The following ALOX5AP variants were observed in gnomAD, a reference collection of about 807,000 sequenced individuals.
ALOX5AP encodes arachidonate 5-lipoxygenase-activating protein.
Under a neutral mutation model 18.5 loss-of-function variants are expected in ALOX5AP, and 9 were observed. That is an observed-to-expected ratio of 0.49 (90% CI 0.29 to 0.85). ALOX5AP has a LOEUF of 0.85. ALOX5AP is among the 40% of genes least tolerant of loss of function. The pLI is 0.08. For synonymous variants in ALOX5AP, 81 were observed against 78.6 expected (o/e 1.03, Z -0.16); for missense variants, 172 against 202.5 (o/e 0.85, Z 0.91).
chr13:30,723,214 C>T (rs1951607729), intron 1 of ALOX5AP, among the ~76,000 whole-genome samples: 1 of 152,182 alleles, frequency 6.6e-6, no homozygotes, highest in Non-Finnish European at 1.5e-5. Context: ...AATCCAACAA[C>T]TCATTGCTAA....
chr13:30,721,381 G>T (rs1186261950), intron 1 of ALOX5AP, among the ~76,000 whole-genome samples: 1 of 152,188 alleles, frequency 6.6e-6, no homozygotes, highest in East Asian at 1.9e-4. Context: ...ATAGCTAAAG[G>T]GTCTTGAGAG....
At chr13:30,724,229 T>C (rs67681037) in intron 1 of ALOX5AP, among the ~76,000 whole-genome samples, 23,193 of 152,234 alleles carry the variant, frequency 0.15, 1,823 homozygotes, top group South Asian at 0.21. Context: ...TTCTGCTCAG[T>C]GTAATGTTTT....
upstream of ALOX5AP, among the ~76,000 whole-genome samples, chr13:30,732,364 C>A (rs1951688384): frequency 6.6e-6 from 1 of 152,140 alleles, no homozygotes; most frequent in African/African-American, 2.4e-5. Context: ...TTTTCATGTG[C>A]CGGCAGATTG....
In ALOX5AP at chr13:30,764,196, T is replaced by C. The variant is rs904235809; in HGVS notation, c.*90T>C. 1.4e-5 allele frequency: 20 copies of C among 1,383,480 alleles called. No individual in the cohort carries two copies. In the Admixed American group the frequency reaches 2.6e-4, roughly 18 times the overall value. 85.7% of individuals were successfully genotyped at this position (1,383,480 alleles called of 1,614,324 possible). A position where few individuals can be genotyped will look rare whatever the true frequency, so the allele number is the denominator to read the frequency against. ...CTCTTGAGAGCATTCTGCTCTTCTT[T>C]AGATGGCTGTAAATCTATTGGCCAT... On this transcript the variant is annotated 3_prime_UTR_variant, in exon 5 of 5. Coordinates refer to ENST00000380490, the MANE Select transcript of ALOX5AP (RefSeq NM_001629.4).
chr13:30,727,323 T>A (rs1213809987), intron 1 of ALOX5AP, among the ~76,000 whole-genome samples: 1 of 151,762 alleles, frequency 6.6e-6, no homozygotes, highest in African/African-American at 2.4e-5. Flanking sequence ...GGATTACAGG[T>A]GTGAGCCACT....
At chr13:30,735,438 A>T, upstream of ALOX5AP, 1 of 277,720 alleles carries the variant, frequency 3.6e-6, no homozygotes, top group Non-Finnish European at 4.5e-6. Context: ...GTTAGTTAAA[A>T]AAAAAAAAAA....
chr13:30,724,874 C>T (rs1197263474), intron 1 of ALOX5AP, among the ~76,000 whole-genome samples: 4 of 152,230 alleles, frequency 2.6e-5, no homozygotes, highest in African/African-American at 9.6e-5. Context: ...AGTACAGGCG[C>T]TTGGCCTGGC....
At chr13:30,723,625 A>G (rs1951611796) in intron 1 of ALOX5AP, among the ~76,000 whole-genome samples, 1 of 152,244 alleles carries the variant, frequency 6.6e-6, no homozygotes, top group African/African-American at 2.4e-5. Context: ...GACATCCTCT[A>G]ATCCATACAT....
chr13:30,720,196 G>A (rs1951582996), intron 1 of ALOX5AP, among the ~76,000 whole-genome samples: 1 of 152,202 alleles, frequency 6.6e-6, no homozygotes, highest in South Asian at 2.1e-4. Flanking sequence ...TTTGCATTTG[G>A]AAAATGTGAT....
In ALOX5AP at chr13:30,764,380, G is replaced by T. The variant is rs367589293; in HGVS notation, c.*274G>T. The T allele has an allele frequency of 2.8e-6, 1 of 351,132 alleles. No homozygotes were observed. The allele number at this position is 351,132 out of a possible 1,614,324, so 21.8% of individuals were successfully genotyped here. On this transcript the variant is annotated 3_prime_UTR_variant, in exon 5 of 5. Transcript: ENST00000380490. ...GTTCTCTGAAGATGTTTTGTGACCA[G>T]GTTTGTGTTTTCTTAAAATAAAATG...
chr13:30,731,374 C>T (rs1481223409), upstream of ALOX5AP, among the ~76,000 whole-genome samples: 2 of 137,526 alleles, frequency 1.5e-5, no homozygotes, highest in Non-Finnish European at 1.5e-5. Flanking sequence ...GCCTTGACCA[C>T]ATTTTTTTTT....
chr13:30,752,011 T>G (rs1483728330), intron 2 of ALOX5AP, 41 bp from the exon 3 acceptor site: 1 of 1,584,202 alleles, frequency 6.3e-7, no homozygotes, highest in Non-Finnish European at 8.7e-7. Context: ...TGCACTAACT[T>G]GGTCTCTGAT....
At chr13:30,724,064 A>G (rs2137790680) in intron 1 of ALOX5AP, among the ~76,000 whole-genome samples, 1 of 152,282 alleles carries the variant, frequency 6.6e-6, no homozygotes, top group South Asian at 2.1e-4. Flanking sequence ...CATTACCCCA[A>G]AAAGTTCCCG....
At chr13:30,743,257 C>G (rs989811536) in intron 1 of ALOX5AP, among the ~76,000 whole-genome samples, 1 of 152,164 alleles carries the variant, frequency 6.6e-6, no homozygotes, top group South Asian at 2.1e-4. Context: ...CCTTACCATG[C>G]TCTTCTTTCG....
At chr13:30,763,347 C>A (rs1372748558) in intron 4 of ALOX5AP, among the ~76,000 whole-genome samples, 1 of 152,132 alleles carries the variant, frequency 6.6e-6, no homozygotes, top group African/African-American at 2.4e-5. Context: ...CAACAAAAAC[C>A]AAGTCTCTCC....
At chr13:30,748,199 G>T (rs970813724) in intron 2 of ALOX5AP, among the ~76,000 whole-genome samples, 3 of 152,026 alleles carry the variant, frequency 2.0e-5, no homozygotes, top group African/African-American at 7.3e-5. Context: ...GATTACAGAC[G>T]TGAGCCACTG....
rs541883775 is a variant in ALOX5AP at position 30,748,366 on chromosome 13, G to A, written c.171-3686G>A. Among the ~76,000 whole-genome samples, 32 of 152,058 alleles carry A rather than the reference G, an allele frequency of 2.1e-4. No homozygotes were observed. In the South Asian group the frequency reaches 4.4e-3, roughly 21 times the overall value. On this transcript the variant is annotated intron_variant, in intron 2 of 4. Coordinates refer to ENST00000380490, the MANE Select transcript of ALOX5AP (RefSeq NM_001629.4). ...TTTAAATTAATCCAAACTAATTAAC[G>A]GAACACTAAAGAGTTTCTATGTTTT...
intron 4 of ALOX5AP, among the ~76,000 whole-genome samples, chr13:30,761,121 G>A (rs1951938224): frequency 6.6e-6 from 1 of 152,142 alleles, no homozygotes; most frequent in Non-Finnish European, 1.5e-5. Context: ...AGACTTAAAG[G>A]TGCAGCTAAT....
At chr13:30,735,434 TAAAAAAA>T (rs59918130), upstream of ALOX5AP, 36,648 of 848,744 alleles carry the variant, frequency 0.043, 18 homozygotes, top group South Asian at 0.08. Context: ...GGTGGTTAGT[TAAAAAAA>T]AAAAAAAAAA....
Sources: allele counts gnomAD v4.1 joint callset (sites outside exome capture counted in the v4.1 genomes callset), GRCh38; gene constraint gnomAD v4.1.1; transcripts MANE v1.5; gene names NCBI Gene and HGNC (gene_info 2026-07-23, HGNC 2026-07-21).